SH3GL1: variants seen among roughly 807,000 people sequenced by gnomAD.
SH3GL1 encodes endophilin-A2.
Under a neutral mutation model 48.8 loss-of-function variants are expected in SH3GL1, and 21 were observed. That is an observed-to-expected ratio of 0.43 (90% CI 0.30 to 0.62). The LOEUF (loss-of-function observed/expected upper bound fraction) is 0.62. Among genes scored for constraint, SH3GL1 ranks in the 20% least tolerant of loss-of-function variants. SH3GL1 has a pLI of 0.11. For missense variants in SH3GL1, 454 were observed against 503.0 expected (o/e 0.90, Z 0.93); for synonymous variants, 282 against 217.5 (o/e 1.30, Z -2.61).
intron 1 of SH3GL1, among the ~76,000 whole-genome samples, chr19:4,391,837 C>A (rs1333901626): frequency 6.6e-6 from 1 of 152,234 alleles, no homozygotes; most frequent in Non-Finnish European, 1.5e-5. Flanking sequence ...CAGAGTGAGC[C>A]CTGCCTGTCC....
intron 1 of SH3GL1, among the ~76,000 whole-genome samples, chr19:4,395,077 C>T (rs1012308737): frequency 6.6e-6 from 1 of 152,230 alleles, no homozygotes; most frequent in Non-Finnish European, 1.5e-5. Context: ...CAAGTTCCAG[C>T]AAAGAACTGG....
At chr19:4,362,470 C>T (rs563886617) in intron 8 of SH3GL1, 85 bp from the exon 9 acceptor site, 51 of 1,570,940 alleles carry the variant, frequency 3.2e-5, no homozygotes, top group African/African-American at 2.8e-4. Flanking sequence ...CAGCCCTTCC[C>T]GTCTGCCTTG....
Position 4,363,402 on chromosome 19 carries a change from G to C in SH3GL1, c.696C>G (p.Ile232Met). 2 of 1,611,156 alleles carry C rather than the reference G, an allele frequency of 1.2e-6. No homozygotes were observed. The highest frequency in any genetic ancestry group is 8.5e-7 in the Non-Finnish European group (1 of 1,179,012). The change falls in exon 7 of 10, where the codon ATC becomes ATG. Residue 232 changes from isoleucine to methionine, a missense_variant. Ile to Met is a conservative substitution (Grantham distance 10). Coordinates refer to ENST00000269886, the MANE Select transcript of SH3GL1 (RefSeq NM_003025.4). Reference sequence around the variant, plus strand: ...TGAGCTTCTCCGCCAGCTCGTCCAGGATCTGCACGGCCTGCCGGTGGTAGT... The same window carrying C: ...TGAGCTTCTCCGCCAGCTCGTCCAGCATCTGCACGGCCTGCCGGTGGTAGT... Reference protein sequence around the residue: ...QLDYHRQAVQILDELAEKLKR... With the variant: ...QLDYHRQAVQMLDELAEKLKR...
At position 4,367,531 on chromosome 19, in the gene SH3GL1, G is replaced by A. The variant is rs1972809283; in HGVS notation, c.46-537C>T. On this transcript the variant is annotated intron_variant, in intron 1 of 9. Coordinates refer to ENST00000269886, the MANE Select transcript of SH3GL1 (RefSeq NM_003025.4). The surrounding 1 kb of genome is among the most constrained non-coding windows in gnomAD (Gnocchi z 4.2). ...GAGGCCGCCATTCTCCTGTGCTCTGGTGCCCGTGTCTGCAGGATGGGACAG... is the reference window on the plus strand; with the variant it reads ...GAGGCCGCCATTCTCCTGTGCTCTGATGCCCGTGTCTGCAGGATGGGACAG... Among the ~76,000 whole-genome samples the A allele has an allele frequency of 6.6e-6, 1 of 152,172 alleles. No homozygotes were observed. The highest frequency in any genetic ancestry group is 2.1e-4 in the South Asian group (1 of 4,828).
At chr19:4,374,657 C>A (rs1001760252) in intron 1 of SH3GL1, among the ~76,000 whole-genome samples, 1 of 152,256 alleles carries the variant, frequency 6.6e-6, no homozygotes, top group African/African-American at 2.4e-5. Context: ...AGAGGCTTGG[C>A]CTCTGGTCCG....
intron 1 of SH3GL1, among the ~76,000 whole-genome samples, chr19:4,386,515 T>G (rs1235080791): frequency 6.6e-6 from 1 of 150,634 alleles, no homozygotes; most frequent in African/African-American, 2.4e-5. Context: ...TTTTTTTTTT[T>G]TTTTGGAGAA....
At chr19:4,384,769 C>G (rs370948154) in intron 1 of SH3GL1, among the ~76,000 whole-genome samples, 1 of 152,160 alleles carries the variant, frequency 6.6e-6, no homozygotes, top group Admixed American at 6.6e-5. Flanking sequence ...AGTGGAGCCT[C>G]GTGTGTCAGT....
Position 4,362,593 on chromosome 19 carries a change from G to A in SH3GL1, c.853+19C>T, listed in dbSNP as rs534768745. On this transcript the variant is annotated intron_variant, in intron 8 of 9. Transcript: ENST00000269886. ...CCCGCTGGCATTTGCCTCCGCAAGA[G>A]GGCTCCATGCCCCATTACCTGCGAT... is the stretch of plus-strand genomic sequence containing the variant. The A allele has an allele frequency of 4.3e-6, 7 of 1,613,020 alleles. No homozygotes were observed. The South Asian group carries it at 7.7e-5, about 18-fold the overall frequency.
At chr19:4,362,877 G>C in intron 7 of SH3GL1, 141 bp from the exon 8 acceptor site, 1 of 1,353,730 alleles carries the variant, frequency 7.4e-7, no homozygotes, top group Non-Finnish European at 1.0e-6. Context: ...ATGGACCCTG[G>C]GACACAGCTA....
At chr19:4,384,462 G>A (rs1255976303) in intron 1 of SH3GL1, among the ~76,000 whole-genome samples, 3 of 152,202 alleles carry the variant, frequency 2.0e-5, no homozygotes, top group Admixed American at 6.5e-5. Flanking sequence ...TTCCAGGCTA[G>A]GACTGCTGAA....
chr19:4,386,859 C>T (rs566174149), intron 1 of SH3GL1, among the ~76,000 whole-genome samples: 36 of 152,322 alleles, frequency 2.4e-4, no homozygotes, highest in African/African-American at 7.9e-4. Flanking sequence ...TTTCCCACAG[C>T]GTGGCAGCTA....
chr19:4,395,823 C>T (rs1973415147), intron 1 of SH3GL1: 1 of 152,020 alleles, frequency 6.6e-6, no homozygotes, highest in African/African-American at 2.4e-5. Context: ...AAGAGAATCG[C>T]TTGAACCCGG....
Position 4,361,283 on chromosome 19 carries a change from C to G in SH3GL1, c.*317G>C. 2.3e-6 allele frequency: 1 copy of G among 430,044 alleles called. No individual in the cohort carries two copies. The highest frequency in any genetic ancestry group is 3.1e-5 in the South Asian group (1 of 32,690). The allele number at this position is 430,044 out of a possible 1,614,324, so 26.6% of individuals were successfully genotyped here. Reference sequence around the variant, plus strand: ...AGAGGAACATTAGTGTTTCTAAGAGCACCTTAGTGTTGCCCCGCCTCGGCC... The same window carrying G: ...AGAGGAACATTAGTGTTTCTAAGAGGACCTTAGTGTTGCCCCGCCTCGGCC... On this transcript the variant is annotated 3_prime_UTR_variant, in exon 10 of 10. Transcript: ENST00000269886.
intron 1 of SH3GL1, among the ~76,000 whole-genome samples, chr19:4,387,299 C>CTT (rs905435925): frequency 1.7e-4 from 25 of 150,266 alleles, no homozygotes; most frequent in African/African-American, 5.6e-4. Context: ...ATAGTACAGG[C>CTT]TTTGTTTTTG....
chr19:4,396,781 G>A (rs243412), intron 1 of SH3GL1, among the ~76,000 whole-genome samples: 1 of 151,952 alleles, frequency 6.6e-6, no homozygotes, highest in Non-Finnish European at 1.5e-5. Context: ...CAGCAATATC[G>A]TCTACCTACT....
At chr19:4,371,801 T>A (rs1311425041) in intron 1 of SH3GL1, among the ~76,000 whole-genome samples, 1 of 152,122 alleles carries the variant, frequency 6.6e-6, no homozygotes. Context: ...TCGGTGGTGC[T>A]GTGGTGCTGC....
chr19:4,362,127 T>C (rs898810656), intron 9 of SH3GL1, among the ~76,000 whole-genome samples: 9 of 152,218 alleles, frequency 5.9e-5, no homozygotes, highest in African/African-American at 1.9e-4. Context: ...GCTAGTGCCC[T>C]TGGCAATCCC....
intron 1 of SH3GL1, among the ~76,000 whole-genome samples, chr19:4,374,448 C>A (rs374499230): frequency 3.3e-5 from 5 of 152,358 alleles, no homozygotes; most frequent in African/African-American, 1.2e-4. Context: ...AAGTCACCAG[C>A]GGGAGTCCAG....
chr19:4,375,983 C>T (rs2144888616), intron 1 of SH3GL1, among the ~76,000 whole-genome samples: 1 of 152,336 alleles, frequency 6.6e-6, no homozygotes, highest in Non-Finnish European at 1.5e-5. Flanking sequence ...TTCTCAACAG[C>T]TCCTCAAAAG....
Sources: gnomAD v4.1 joint callset for allele counts (sites outside exome capture counted in the v4.1 genomes callset) on GRCh38, gnomAD v4.1.1 for gene constraint, Gnocchi (gnomAD v3.1) non-coding constraint, MANE v1.5 for transcripts, NCBI Gene and HGNC (gene_info 2026-07-23, HGNC 2026-07-21) for gene names.